FBXO24: variants seen among roughly 807,000 people sequenced by gnomAD.
The protein encoded by FBXO24 is F-box only protein 24.
A neutral mutation model predicts 63.5 loss-of-function variants in FBXO24; 30 were observed. That is an observed-to-expected ratio of 0.47 (90% confidence interval 0.35 to 0.64). FBXO24 has a LOEUF of 0.64. Among genes scored for constraint, FBXO24 ranks in the 30% least tolerant of loss-of-function variants. FBXO24 has a pLI of 0.00. For synonymous variants in FBXO24, 300 were observed against 305.0 expected (o/e 0.98, Z 0.17); for missense variants, 624 against 763.4 (o/e 0.82, Z 2.15).
At position 100,589,762 on chromosome 7, in the gene FBXO24, C is replaced by A. The variant is rs1584419972; in HGVS notation, c.40-215C>A. 2.6e-6 allele frequency: 4 copies of A among 1,544,212 alleles called. No individual in the cohort carries two copies. In the African/African-American group the frequency reaches 4.1e-5, roughly 16 times the overall value. ...CAGAGACGGAAGCTGCAAAAATTCA[C>A]CAGGCTGTGTGGACGGGAGGAGGGG... On this transcript the variant is annotated intron_variant, in intron 1 of 9. Coordinates refer to ENST00000241071, the MANE Select transcript of FBXO24 (RefSeq NM_033506.3).
chr7:100,588,682 C>G (rs2131258614), intron 1 of FBXO24, among the ~76,000 whole-genome samples: 1 of 152,166 alleles, frequency 6.6e-6, no homozygotes, highest in South Asian at 2.1e-4. Flanking sequence ...TAAATGTCAC[C>G]CCACATAAGA....
At chr7:100,592,133 C>T in intron 4 of FBXO24, 1 of 447,228 alleles carries the variant, frequency 2.2e-6, no homozygotes, top group Non-Finnish European at 4.1e-6. Flanking sequence ...GTGGTGGGTG[C>T]CTATAATTCC....
chr7:100,589,819 C>T lies in FBXO24; in HGVS notation c.40-158C>T, dbSNP rs780648736. On this transcript the variant is annotated intron_variant, in intron 1 of 9. Coordinates refer to ENST00000241071, the MANE Select transcript of FBXO24 (RefSeq NM_033506.3). ...GTGAGGGGGATTGGCCGCAGGAGAT[C>T]GGGAGGAGTTATTTGGAGAAGTTAG... The T allele has an allele frequency of 1.8e-5, 28 of 1,513,620 alleles. 1 individual carries two copies. The East Asian group carries it at 3.4e-4, about 18-fold the overall frequency. 93.8% of individuals were successfully genotyped at this position (1,513,620 alleles called of 1,614,324 possible). A position where few individuals can be genotyped will look rare whatever the true frequency, so the allele number is the denominator to read the frequency against.
At chr7:100,599,933 G>C (rs560679857) in intron 8 of FBXO24, 98 bp from the exon 9 acceptor site, 1 of 1,388,308 alleles carries the variant, frequency 7.2e-7, no homozygotes, top group South Asian at 1.3e-5. Flanking sequence ...CTCCTCCCCA[G>C]TTCATTCTGC....
chr7:100,586,877 A>G, intron 1 of FBXO24: 12 of 304,116 alleles, frequency 3.9e-5, no homozygotes, highest in Non-Finnish European at 5.4e-5. Context: ...CCGACTGTGA[A>G]GCCTCTGGCA....
rs972375736 is a variant in FBXO24, at chr7:100,600,035, G to A, written c.1211G>A (p.Cys404Tyr). The A allele has an allele frequency of 3.2e-6, 5 of 1,553,856 alleles. No homozygotes were observed. The highest frequency in any genetic ancestry group is 1.7e-5 in the Admixed American group (1 of 57,922). The change falls in exon 9 of 10, where the codon TGT becomes TAT. Residue 404 changes from cysteine to tyrosine, a missense_variant. Physicochemically the swap from Cys to Tyr is radical, Grantham distance 194 (BLOSUM62 -2). Transcript: ENST00000241071. The surrounding 1 kb of genome is among the most constrained non-coding windows in gnomAD (Gnocchi z 6.3). ...ACCCTGGCCGTGTGTCCCCAGGTTT[G>A]TTACCTGCAGCGGCCCATCACCCTG... is the stretch of plus-strand genomic sequence containing the variant. ...KMDRGEPTQV[C>Y]YLQRPITLWC...
rs878920862 is a variant in FBXO24 at position 100,591,547 on chromosome 7, C to T, written c.323-120C>T. 1.3e-4 allele frequency: 111 copies of T among 826,250 alleles called. 1 individual carries two copies. The highest frequency in any genetic ancestry group is 1.2e-3 in the South Asian group (73 of 61,236). The allele number at this position is 826,250 out of a possible 1,614,324, so 51.2% of individuals were successfully genotyped here. ...CCTTCATAAGGGGTCTGTTTGTTCC[C>T]CTGTCCTGGGGATGGGGAGGAACTA... On this transcript the variant is annotated intron_variant, in intron 3 of 9. Coordinates refer to ENST00000241071, the MANE Select transcript of FBXO24 (RefSeq NM_033506.3).
At chr7:100,595,369 C>T (rs959070424) in intron 7 of FBXO24, 146 bp downstream of exon 7, 16 of 1,459,750 alleles carry the variant, frequency 1.1e-5, no homozygotes, top group South Asian at 2.6e-5. Context: ...GCTGGGGGCT[C>T]GGTGCGGAGG....
intron 1 of FBXO24, among the ~76,000 whole-genome samples, chr7:100,587,814 T>C (rs1029726131): frequency 1.3e-5 from 2 of 151,742 alleles, no homozygotes; most frequent in Non-Finnish European, 2.9e-5. Flanking sequence ...TTGCCCAGGC[T>C]GGTCTCAAAC....
rs772833669 is a variant in FBXO24 at position 100,600,210 on chromosome 7, G to A, written c.1377+9G>A. ...TCAAGCTCCAAGTCAAGGTCAGAGC[G>A]GGGTCAGGAGAGTGGGCACCCAGGG... On this transcript the variant is annotated intron_variant, in intron 9 of 9. Coordinates refer to ENST00000241071, the MANE Select transcript of FBXO24 (RefSeq NM_033506.3). The surrounding 1 kb of genome is among the most constrained non-coding windows in gnomAD (Gnocchi z 6.3). The A allele has an allele frequency of 9.8e-6, 15 of 1,524,844 alleles. No homozygotes were observed. Among genetic ancestry groups the A allele is most frequent in the Admixed American group, 4.2e-5 (2 of 47,300 alleles). The allele number at this position is 1,524,844 out of a possible 1,614,324, so 94.5% of individuals were successfully genotyped here.
Position 100,591,735 on chromosome 7 carries a change from T to C in FBXO24, c.391T>C (p.Leu131=), listed in dbSNP as rs1157255446. The C allele has an allele frequency of 6.2e-7, 1 of 1,614,258 alleles. No homozygotes were observed. The part of the protein sequence containing the change: ...RRCLSKSVAP[L]LAHGYRRFLP... The stretch of plus-strand genomic sequence containing the variant: ...ATGTCTCAGCAAGAGCGTGGCCCCC[T>C]TGCTAGCCCACGGCTACCGCCGCTT... Residue 131 remains leucine, a synonymous_variant, in exon 4 of 10, where the codon TTG becomes CTG. Transcript: ENST00000241071.
chr7:100,593,217 A>G (rs2131268069), intron 5 of FBXO24, 200 bp downstream of exon 5: 1 of 538,384 alleles, frequency 1.9e-6, no homozygotes, highest in Non-Finnish European at 3.3e-6. Flanking sequence ...GGCCCTGTCC[A>G]GGTGTGGTGG....
intron 7 of FBXO24, 118 bp from the exon 8 acceptor site, chr7:100,595,457 A>AAT (rs974424592): frequency 2.3e-5 from 30 of 1,322,156 alleles, no homozygotes; most frequent in Middle Eastern, 2.5e-4. Context: ...CCATCTCTAA[A>AAT]ATATATATAT....
Position 100,586,424 on chromosome 7 carries a change from C to A in FBXO24, c.-202C>A. On this transcript the variant is annotated 5_prime_UTR_variant, in exon 1 of 10. Coordinates refer to ENST00000241071, the MANE Select transcript of FBXO24 (RefSeq NM_033506.3). ...ATCGGGAGGTGGAGCCAATCAGGTC[C>A]AACCAAGAGGAGGGGACACCGGCAC... 1 of 652,820 alleles carries A rather than the reference C, an allele frequency of 1.5e-6. No individual in the cohort carries two copies. The highest frequency in any genetic ancestry group is 1.8e-5 in the South Asian group (1 of 54,658). 40.4% of individuals were successfully genotyped at this position (652,820 alleles called of 1,614,324 possible).
chr7:100,600,728 C>A lies in FBXO24; in HGVS notation c.1572C>A (p.Ser524Arg). Residue 524 changes from serine to arginine, a missense_variant, in exon 10 of 10, where the codon AGC (serine) becomes AGA (arginine). Physicochemically the swap from Ser to Arg is moderately radical, Grantham distance 110 (BLOSUM62 -1). Transcript: ENST00000241071. This position sits in a 1 kb window ranked among gnomAD's most constrained non-coding sequence, Gnocchi z 6.3. ...CCCAGGCCTGCGAGGAGTACCTCAGCCAGATCCACAGTTGCCAAACGTTGC... is the reference window on the plus strand; with the variant it reads ...CCCAGGCCTGCGAGGAGTACCTCAGACAGATCCACAGTTGCCAAACGTTGC... ...GMAQACEEYLSQIHSCQTLQD... is the reference protein window; with the variant it reads ...GMAQACEEYLRQIHSCQTLQD... 1 of 1,614,188 alleles carries A rather than the reference C, an allele frequency of 6.2e-7. No homozygotes were observed. Among genetic ancestry groups the A allele is most frequent in the Non-Finnish European group, 8.5e-7 (1 of 1,180,012 alleles).
intron 8 of FBXO24, 107 bp downstream of exon 8, chr7:100,595,813 T>G (rs1416250294): frequency 6.8e-7 from 1 of 1,460,616 alleles, no homozygotes; most frequent in African/African-American, 1.4e-5. Flanking sequence ...TTCTGTTCCT[T>G]TGGGAAGTTA....
chr7:100,593,099 C>T (rs1802113665), intron 5 of FBXO24, 82 bp downstream of exon 5: 1 of 1,203,616 alleles, frequency 8.3e-7, no homozygotes, highest in African/African-American at 1.5e-5. Context: ...GAGGGAGGCC[C>T]CTCAGACTGG....
intron 1 of FBXO24, among the ~76,000 whole-genome samples, chr7:100,588,159 G>A (rs1034864710): frequency 5.9e-5 from 9 of 152,192 alleles, no homozygotes; most frequent in Admixed American, 4.6e-4. Context: ...GATTATAAGC[G>A]TGAGCCACAA....
At chr7:100,599,987 C>CGG in intron 8 of FBXO24, 44 bp from the exon 9 acceptor site, 2 of 1,364,908 alleles carry the variant, frequency 1.5e-6, no homozygotes, top group Non-Finnish European at 2.1e-6. Flanking sequence ...GCCCCCCCGT[C>CGG]CCTTGGTGCT....
Sources: allele counts gnomAD v4.1 joint callset (sites outside exome capture counted in the v4.1 genomes callset), GRCh38; gene constraint gnomAD v4.1.1; non-coding constraint Gnocchi (gnomAD v3.1); transcripts MANE v1.5; gene names NCBI Gene and HGNC (gene_info 2026-07-23, HGNC 2026-07-21).